NCOA7: variants seen among roughly 807,000 people sequenced by gnomAD.
The protein encoded by NCOA7 is 140 kDa estrogen receptor-associated protein.
In NCOA7, 45 loss-of-function variants were observed where a neutral mutation model predicts 104.3. The observed-to-expected ratio is 0.43, with a 90% CI of 0.34 to 0.55. NCOA7 has a LOEUF of 0.55. Ranked by LOEUF, NCOA7 falls within the 20% of genes least tolerant of loss-of-function variation. The probability of loss-of-function intolerance (pLI) is 0.02; values close to 1 mark genes in which losing one functional copy is unlikely to be tolerated. For synonymous variants in NCOA7, 398 were observed against 402.3 expected, an observed-to-expected ratio of 0.99 and a Z score of 0.13; for missense variants, 1,041 against 1,119.7, an observed-to-expected ratio of 0.93 and a Z score of 1.00.
intron 1 of NCOA7, among the ~76,000 whole-genome samples, chr6:125,813,887 A>G (rs976221514): frequency 6.6e-6 from 1 of 150,492 alleles, no homozygotes; most frequent in African/African-American, 2.4e-5. Context: ...TTTTGAAAAT[A>G]TACATTAGAA....
At chr6:125,811,971 A>G (rs1777054365) in intron 1 of NCOA7, among the ~76,000 whole-genome samples, 1 of 152,230 alleles carries the variant, frequency 6.6e-6, no homozygotes, top group Admixed American at 6.5e-5. Flanking sequence ...TGTATACCAG[A>G]CTGGATTTAA....
rs924584079 is a variant in NCOA7 at position 125,931,108 on chromosome 6, G to T, written c.*2337G>T. Reference sequence around the variant, plus strand: ...TTCAATAAAGGACTTTATGCATTCAGTGATTTTCTTTCCCAAAGATTCATT... The same window carrying T: ...TTCAATAAAGGACTTTATGCATTCATTGATTTTCTTTCCCAAAGATTCATT... On this transcript the variant is annotated 3_prime_UTR_variant, in exon 16 of 16. Coordinates refer to ENST00000392477, the MANE Select transcript of NCOA7 (RefSeq NM_181782.5). The T allele has an allele frequency of 3.3e-5, 5 of 152,618 alleles. No homozygotes were observed. Among genetic ancestry groups the T allele is most frequent in the African/African-American group, 1.2e-4 (5 of 41,442 alleles). The allele number at this position is 152,618 out of a possible 1,614,324, so 9.5% of individuals were successfully genotyped here. A position where few individuals can be genotyped will look rare whatever the true frequency, so the allele number is the denominator to read the frequency against.
chr6:125,881,256 T>C (rs1783801978), intron 6 of NCOA7, 53 bp downstream of exon 6: 2 of 1,255,306 alleles, frequency 1.6e-6, no homozygotes, highest in African/African-American at 2.9e-5. Context: ...TTCTTTTAAG[T>C]TGTAGAATTC....
chr6:125,815,749 G>A (rs138111322), intron 2 of NCOA7, among the ~76,000 whole-genome samples: 2 of 152,248 alleles, frequency 1.3e-5, no homozygotes, highest in African/African-American at 4.8e-5. Context: ...TAGCTTAATA[G>A]GTTGGACTAT....
chr6:125,823,358 A>G (rs901290527), intron 2 of NCOA7, among the ~76,000 whole-genome samples: 33 of 152,252 alleles, frequency 2.2e-4, no homozygotes, highest in Admixed American at 6.5e-5. Context: ...TTTTATCACT[A>G]CAAATTTTTC....
chr6:125,846,618 T>G (rs934123731), intron 2 of NCOA7, among the ~76,000 whole-genome samples: 3 of 152,214 alleles, frequency 2.0e-5, no homozygotes, highest in African/African-American at 7.2e-5. Flanking sequence ...CACTAAATTT[T>G]CAGGCCCCCA....
At chr6:125,917,669 C>T (rs1787201777) in intron 11 of NCOA7, among the ~76,000 whole-genome samples, 1 of 152,114 alleles carries the variant, frequency 6.6e-6, no homozygotes, top group South Asian at 2.1e-4. Context: ...ACACAAGCCA[C>T]AGTAGGATCT....
intron 3 of NCOA7, among the ~76,000 whole-genome samples, chr6:125,864,921 C>A (rs1782323000): frequency 7.3e-6 from 1 of 137,318 alleles, no homozygotes; most frequent in Non-Finnish European, 1.5e-5. Context: ...TGTCCTTGAT[C>A]CATTTATGAA....
intron 4 of NCOA7, among the ~76,000 whole-genome samples, chr6:125,877,515 G>C (rs1297429870): frequency 2.0e-5 from 3 of 152,100 alleles, no homozygotes; most frequent in African/African-American, 4.8e-5. Context: ...TGACATCAGG[G>C]AGCCAACTTT....
At chr6:125,824,990 C>T (rs921280221) in intron 2 of NCOA7, among the ~76,000 whole-genome samples, 1 of 151,582 alleles carries the variant, frequency 6.6e-6, no homozygotes, top group East Asian at 1.9e-4. Context: ...GAGTCGAGAT[C>T]AAGCCATTGT....
chr6:125,810,059 C>T (rs1776830010), intron 1 of NCOA7: 1 of 152,152 alleles, frequency 6.6e-6, no homozygotes, highest in Non-Finnish European at 1.5e-5. Context: ...CTTTCAATAA[C>T]CTTTGGAGCC....
At chr6:125,817,212 C>G (rs1350011280) in intron 2 of NCOA7, among the ~76,000 whole-genome samples, 1 of 152,198 alleles carries the variant, frequency 6.6e-6, no homozygotes, top group African/African-American at 2.4e-5. Flanking sequence ...AACAAAGATG[C>G]TAGATGCTAC....
chr6:125,810,115 A>G (rs1444214901), intron 1 of NCOA7: 1 of 152,248 alleles, frequency 6.6e-6, no homozygotes, highest in African/African-American at 2.4e-5. Context: ...CGGAGTCAAC[A>G]ACATCCAGTG....
chr6:125,835,702 G>A (rs546527471), intron 2 of NCOA7, among the ~76,000 whole-genome samples: 63 of 152,324 alleles, frequency 4.1e-4, no homozygotes, highest in African/African-American at 1.4e-3. Context: ...CACTGGCAGA[G>A]GCAGAGACTC....
chr6:125,825,838 C>T (rs1778611185), intron 2 of NCOA7, among the ~76,000 whole-genome samples: 1 of 152,026 alleles, frequency 6.6e-6, no homozygotes, highest in South Asian at 2.1e-4. Flanking sequence ...TTTTAAACCA[C>T]AACTCTAAGT....
chr6:125,810,627 A>T (rs1285563901), intron 1 of NCOA7, among the ~76,000 whole-genome samples: 1 of 152,206 alleles, frequency 6.6e-6, no homozygotes, highest in African/African-American at 2.4e-5. Context: ...TGGAAAATGT[A>T]GTTCCCATTA....
chr6:125,828,468 T>C (rs969852019), intron 2 of NCOA7, among the ~76,000 whole-genome samples: 6 of 152,272 alleles, frequency 3.9e-5, no homozygotes, highest in African/African-American at 1.4e-4. Context: ...GCTAATTCTT[T>C]TGGGAAATCG....
chr6:125,866,767 T>C (rs528060275), intron 3 of NCOA7, among the ~76,000 whole-genome samples: 1 of 152,320 alleles, frequency 6.6e-6, no homozygotes, highest in African/African-American at 2.4e-5. Flanking sequence ...TTTCTGTTTT[T>C]TGGTGATGTC....
chr6:125,865,273 G>A (rs1782354179), intron 3 of NCOA7, among the ~76,000 whole-genome samples: 1 of 138,264 alleles, frequency 7.2e-6, no homozygotes, highest in Admixed American at 6.9e-5. Flanking sequence ...TGCAGTAGTA[G>A]ATTCTAGAGC....
Sources: gnomAD v4.1 joint callset for allele counts (sites outside exome capture counted in the v4.1 genomes callset) on GRCh38, gnomAD v4.1.1 for gene constraint, MANE v1.5 for transcripts, NCBI Gene and HGNC (gene_info 2026-07-23, HGNC 2026-07-21) for gene names.